BOD1L1: variants seen among roughly 807,000 people sequenced by gnomAD.
The protein encoded by BOD1L1 is biorientation of chromosomes in cell division 1 like 1, also known as biorientation of chromosomes in cell division protein 1-like 1.
BOD1L1 carries 86 observed loss-of-function variants against 240.7 expected under a neutral mutation model. The observed-to-expected ratio is 0.36, with a 90% CI of 0.30 to 0.43. The LOEUF (loss-of-function observed/expected upper bound fraction) is 0.43, where lower values mean the gene tolerates loss of function less well. Among genes scored for constraint, BOD1L1 ranks in the 20% least tolerant of loss-of-function variants. The pLI is 1.00. For synonymous variants in BOD1L1, 1,268 were observed against 1,272.3 expected (o/e 1.00, Z 0.07); for missense variants, 3,554 against 3,643.5 (o/e 0.98, Z 0.63).
intron 21 of BOD1L1, 184 bp from the exon 22 acceptor site, chr4:13,580,157 G>T (rs1713111582): frequency 3.6e-6 from 2 of 552,854 alleles, no homozygotes; most frequent in South Asian, 2.4e-5. Flanking sequence ...TCTAAATACA[G>T]ACTTTCCAAT....
intron 5 of BOD1L1, among the ~76,000 whole-genome samples, chr4:13,611,990 T>A (rs540529144): frequency 2.0e-5 from 3 of 152,292 alleles, no homozygotes; most frequent in East Asian, 3.9e-4. Flanking sequence ...TAAAATCTAG[T>A]CTTACCAGGA....
At chr4:13,626,614 C>A (rs1169030079) in intron 1 of BOD1L1, among the ~76,000 whole-genome samples, 3 of 152,180 alleles carry the variant, frequency 2.0e-5, no homozygotes, top group Non-Finnish European at 4.4e-5. Context: ...TTTCCAGCCT[C>A]TCTTTCTGGA....
intron 1 of BOD1L1, chr4:13,625,071 G>C (rs1433296742): frequency 6.7e-6 from 1 of 148,400 alleles, no homozygotes; most frequent in Non-Finnish European, 1.5e-5. Flanking sequence ...CTAGAAGAAG[G>C]GTTGATCATC....
Position 13,595,905 on chromosome 4 carries a change from G to C in BOD1L1, c.8059C>G (p.Leu2687Val). ...CCACACAGACTTTCTGGTGGTGCCA[G>C]AATTTCACCATTTTTCTCTTCCTCT... is the stretch of plus-strand genomic sequence containing the variant. ...PSEEEKNGEILAPPESLCGGK... is the reference protein window; with the variant it reads ...PSEEEKNGEIVAPPESLCGGK... Residue 2687 changes from leucine to valine, a missense_variant, in exon 12 of 26, where the codon CTG becomes GTG. Coordinates refer to ENST00000040738, the MANE Select transcript of BOD1L1 (RefSeq NM_148894.3). 6.2e-7 allele frequency: 1 copy of C among 1,613,612 alleles called. No individual in the cohort carries two copies. Among genetic ancestry groups the C allele is most frequent in the Non-Finnish European group, 8.5e-7 (1 of 1,179,816 alleles).
intron 3 of BOD1L1, 136 bp downstream of exon 3, chr4:13,615,176 A>G (rs1290776292): frequency 2.9e-5 from 26 of 893,358 alleles, no homozygotes; most frequent in Non-Finnish European, 4.0e-5. Flanking sequence ...CAATTGAGGA[A>G]TTTAGGTGAT....
chr4:13,603,171 C>T lies in BOD1L1; in HGVS notation c.3729G>A (p.Leu1243=). 3 of 1,614,018 alleles carry T rather than the reference C, an allele frequency of 1.9e-6. No individual in the cohort carries two copies. Among genetic ancestry groups the T allele is most frequent in the Non-Finnish European group, 2.5e-6 (3 of 1,179,890 alleles). ...CCCTATCATTTTCTGATGGGGCACT[C>T]AGTAACATTCTATGAACAGTTTCAG... The part of the protein sequence containing the change: ...IDSETVHRML[L]SAPSENDRVQ... Residue 1243 remains leucine, a synonymous_variant, in exon 10 of 26, where the codon CTG becomes CTA. Transcript: ENST00000040738.
At position 13,599,976 on chromosome 4, in the gene BOD1L1, A is replaced by T; in HGVS notation, c.6924T>A (p.Ala2308=). ...SEGCEAVMIG[A]VLQDEDRLTI... The stretch of plus-strand genomic sequence containing the variant: ...TGAGCCGATCTTCATCCTGGAGGAC[A>T]GCACCAATCATGACTGCTTCACACC... The change falls in exon 10 of 26, where the codon GCT becomes GCA. Residue 2308 remains alanine, a synonymous_variant. Transcript: ENST00000040738. 1 of 1,611,506 alleles carries T rather than the reference A, an allele frequency of 6.2e-7. No homozygotes were observed. Among genetic ancestry groups the T allele is most frequent in the Non-Finnish European group, 8.5e-7 (1 of 1,178,698 alleles).
chr4:13,605,748 T>C (rs1296669151), intron 9 of BOD1L1, among the ~76,000 whole-genome samples: 1 of 152,228 alleles, frequency 6.6e-6, no homozygotes, highest in Non-Finnish European at 1.5e-5. Context: ...AAAAGCTGAA[T>C]TATGTATGGA....
intron 12 of BOD1L1, chr4:13,593,611 G>A (rs1714391793): frequency 6.6e-6 from 1 of 152,032 alleles, no homozygotes; most frequent in East Asian, 1.9e-4. Flanking sequence ...CTTCCCTGAG[G>A]CCCTACCTCA....
intron 16 of BOD1L1, among the ~76,000 whole-genome samples, chr4:13,587,396 C>T (rs1713788708): frequency 6.6e-6 from 1 of 152,160 alleles, no homozygotes. Context: ...AGGGTATCTG[C>T]TTATGATATA....
chr4:13,594,503 C>G (rs1714456770), intron 12 of BOD1L1, among the ~76,000 whole-genome samples: 1 of 152,212 alleles, frequency 6.6e-6, no homozygotes, highest in Non-Finnish European at 1.5e-5. Context: ...AAGGGCCAAA[C>G]TAACATTATT....
chr4:13,604,274 A>G lies in BOD1L1; in HGVS notation c.2626T>C (p.Cys876Arg). Reference protein sequence around the residue: ...RRSESYSEDKCDMDSTNMDSN... With the variant: ...RRSESYSEDKRDMDSTNMDSN... Reference sequence around the variant, plus strand: ...TCCATGTTAGTGGAGTCCATATCACACTTATCTTCCGAATAACTTTCACTT... The same window carrying G: ...TCCATGTTAGTGGAGTCCATATCACGCTTATCTTCCGAATAACTTTCACTT... The change falls in exon 10 of 26, where the codon TGT becomes CGT. Residue 876 changes from cysteine (C) to arginine (R), a missense_variant. Coordinates refer to ENST00000040738, the MANE Select transcript of BOD1L1 (RefSeq NM_148894.3). 2 of 1,608,860 alleles carry G rather than the reference A, an allele frequency of 1.2e-6. No individual in the cohort carries two copies. The highest frequency in any genetic ancestry group is 8.5e-7 in the Non-Finnish European group (1 of 1,178,798).
At position 13,613,878 on chromosome 4, in the gene BOD1L1, A is replaced by C. The variant is rs1157090713; in HGVS notation, c.1175-217T>G. On this transcript the variant is annotated intron_variant, in intron 4 of 25. Transcript: ENST00000040738. The surrounding 1 kb of genome is among the most constrained non-coding windows in gnomAD (Gnocchi z 4.0). ...TAATGTATGATATAATAATAAAATG[A>C]ATTTTAAGTAACTGAAGTATTTACT... Among the ~76,000 whole-genome samples the C allele has an allele frequency of 6.6e-6, 1 of 152,180 alleles. No individual in the cohort carries two copies. The highest frequency in any genetic ancestry group is 2.4e-5 in the African/African-American group (1 of 41,446).
chr4:13,620,063 G>A lies in BOD1L1; in HGVS notation c.248C>T (p.Ala83Val). The stretch of plus-strand genomic sequence containing the variant: ...AACACGCTGTCTCAGATTCTGATAC[G>A]CAGGCTAGAGAGAAAAAAACGAAGG... ...DCLADVDTKP[A>V]YQNLRQRVDN... Residue 83 changes from alanine (A) to valine (V), a missense_variant, in exon 2 of 26, where the codon GCG (alanine) becomes GTG (valine). By Grantham distance (64) the Ala-to-Val change is moderately conservative (BLOSUM62 0). Coordinates refer to ENST00000040738, the MANE Select transcript of BOD1L1 (RefSeq NM_148894.3). 3 of 1,600,300 alleles carry A rather than the reference G, an allele frequency of 1.9e-6. No individual in the cohort carries two copies. Among genetic ancestry groups the A allele is most frequent in the Non-Finnish European group, 2.6e-6 (3 of 1,172,548 alleles).
chr4:13,571,566 G>T (rs1057180852), intron 25 of BOD1L1, among the ~76,000 whole-genome samples: 42 of 152,326 alleles, frequency 2.8e-4, no homozygotes, highest in African/African-American at 9.4e-4. Context: ...GCCAACAGAA[G>T]CTCTGAGTCA....
At position 13,597,148 on chromosome 4, in the gene BOD1L1, T is replaced by C. The variant is rs755727123; in HGVS notation, c.7975A>G (p.Asn2659Asp). Residue 2659 changes from asparagine (N) to aspartate (D), a missense_variant, in exon 11 of 26, where the codon AAT becomes GAT. Coordinates refer to ENST00000040738, the MANE Select transcript of BOD1L1 (RefSeq NM_148894.3). ...CDIGNEESPL[N>D]VLGGLKLKAN... is the part of the protein sequence containing the mutation. ...TTCAGTTTCAATCCTCCCAAAACAT[T>C]CAATGGAGACTCTTCATTGCCTAAT... 5 of 1,595,110 alleles carry C rather than the reference T, an allele frequency of 3.1e-6. No homozygotes were observed. The highest frequency in any genetic ancestry group is 4.3e-6 in the Non-Finnish European group (5 of 1,169,602).
At position 13,625,753 on chromosome 4, in the gene BOD1L1, A is replaced by G. The variant is rs546421554; in HGVS notation, c.243+1592T>C. The G allele has an allele frequency of 3.9e-5, 6 of 152,362 alleles. No individual in the cohort carries two copies. The South Asian group carries it at 6.2e-4, about 16-fold the overall frequency. The allele number at this position is 152,362 out of a possible 1,614,324, so 9.4% of individuals were successfully genotyped here. A position where few individuals can be genotyped will look rare whatever the true frequency, so the allele number is the denominator to read the frequency against. On this transcript the variant is annotated intron_variant, in intron 1 of 25. Transcript: ENST00000040738. ...GCAATAGAAATTATTTCTAAAAGGTAGCAGTGCATATTCCTGAAGACAAAA... is the reference window on the plus strand; with the variant it reads ...GCAATAGAAATTATTTCTAAAAGGTGGCAGTGCATATTCCTGAAGACAAAA...
Position 13,599,093 on chromosome 4 carries a change from A to G in BOD1L1, c.7807T>C (p.Leu2603=). ...ALLAPKCEQD[L]TIKNDYSGKW... The stretch of plus-strand genomic sequence containing the variant: ...CCACTATAATCATTCTTTATAGTCA[A>G]GTCCTGCTCACATTTAGGAGCCAAC... The change falls in exon 10 of 26, where the codon TTG becomes CTG. Residue 2603 remains leucine (L), a synonymous_variant. Transcript: ENST00000040738. The G allele has an allele frequency of 6.2e-7, 1 of 1,614,026 alleles. No homozygotes were observed. The highest frequency in any genetic ancestry group is 1.6e-4 in the Middle Eastern group (1 of 6,062).
At chr4:13,615,695 T>C (rs549925242) in intron 2 of BOD1L1, among the ~76,000 whole-genome samples, 193 bp from the exon 3 acceptor site, 53 of 152,314 alleles carry the variant, frequency 3.5e-4, no homozygotes, top group Admixed American at 1.0e-3. Context: ...TATACCATAC[T>C]ATACAAGTCT....
Sources: allele counts gnomAD v4.1 joint callset (sites outside exome capture counted in the v4.1 genomes callset), GRCh38; gene constraint gnomAD v4.1.1; non-coding constraint Gnocchi (gnomAD v3.1); transcripts MANE v1.5; gene names NCBI Gene and HGNC (gene_info 2026-07-23, HGNC 2026-07-21).